BAALC: variants seen among roughly 807,000 people sequenced by gnomAD.
The protein encoded by BAALC is BAALC binder of MAP3K1 and KLF4.
Under a neutral mutation model 15.5 loss-of-function variants are expected in BAALC, and 9 were observed. The ratio of observed to expected loss-of-function variants is 0.58; its 90% CI spans 0.35 to 1.02. BAALC has a LOEUF of 1.02. Among genes scored for constraint, BAALC ranks in the 50% least tolerant of loss-of-function variants. BAALC has a pLI of 0.02. For missense variants in BAALC, 201 were observed against 192.4 expected, an observed-to-expected ratio of 1.04 and a Z score of -0.27; for synonymous variants, 80 against 74.6, an observed-to-expected ratio of 1.07 and a Z score of -0.37.
chr8:103,178,877 A>G (rs1051502006), intron 1 of BAALC, among the ~76,000 whole-genome samples: 1 of 145,612 alleles, frequency 6.9e-6, no homozygotes, highest in Admixed American at 6.7e-5. Context: ...AAAAAAAAAA[A>G]GTTAATTTAA....
chr8:103,216,100 C>A (rs914531606), intron 2 of BAALC, among the ~76,000 whole-genome samples: 23 of 152,132 alleles, frequency 1.5e-4, no homozygotes, highest in Non-Finnish European at 7.3e-5. Context: ...TTCTGAGTTG[C>A]AATAATTTTC....
chr8:103,202,738 C>G (rs1426072394), intron 1 of BAALC: 1 of 152,196 alleles, frequency 6.6e-6, no homozygotes, highest in Non-Finnish European at 1.5e-5. Flanking sequence ...GGATAGAGAG[C>G]TGAATTTCAT....
intron 1 of BAALC, among the ~76,000 whole-genome samples, chr8:103,208,885 C>T (rs918601265): frequency 6.6e-6 from 1 of 152,086 alleles, no homozygotes; most frequent in Admixed American, 6.5e-5. Context: ...GTCCTTCAAC[C>T]CCCAGGAGGA....
At chr8:103,155,284 C>T (rs1221574906) in intron 1 of BAALC, among the ~76,000 whole-genome samples, 3 of 152,088 alleles carry the variant, frequency 2.0e-5, no homozygotes, top group Non-Finnish European at 4.4e-5. Flanking sequence ...ATACCATCAT[C>T]ACACCTAAAA....
At chr8:103,178,676 G>A (rs547994518) in intron 1 of BAALC, among the ~76,000 whole-genome samples, 2 of 152,196 alleles carry the variant, frequency 1.3e-5, no homozygotes, top group South Asian at 2.1e-4. Flanking sequence ...GGCCAACATG[G>A]TGAAACCCTG....
At chr8:103,141,787 T>C (rs1810784373) in intron 1 of BAALC, among the ~76,000 whole-genome samples, 1 of 152,260 alleles carries the variant, frequency 6.6e-6, no homozygotes, top group Non-Finnish European at 1.5e-5. Context: ...ATAAATTAAA[T>C]ACTCTTGCCT....
chr8:103,176,887 G>C (rs944820569), intron 1 of BAALC, among the ~76,000 whole-genome samples: 3 of 152,122 alleles, frequency 2.0e-5, no homozygotes, highest in African/African-American at 7.2e-5. Flanking sequence ...AATGCTGCAG[G>C]GCCCTCGCAT....
At chr8:103,168,890 T>A (rs1811411547) in intron 1 of BAALC, among the ~76,000 whole-genome samples, 2 of 152,256 alleles carry the variant, frequency 1.3e-5, no homozygotes, top group South Asian at 2.1e-4. Context: ...TTTCAAAAAA[T>A]TTTTTATGCC....
At chr8:103,154,031 T>C (rs1811036094) in intron 1 of BAALC, among the ~76,000 whole-genome samples, 1 of 152,174 alleles carries the variant, frequency 6.6e-6, no homozygotes, top group Non-Finnish European at 1.5e-5. Context: ...CATTAAACGA[T>C]TACCTCCAAG....
chr8:103,148,078 G>A (rs1021319552), intron 1 of BAALC, among the ~76,000 whole-genome samples: 2 of 152,044 alleles, frequency 1.3e-5, no homozygotes, highest in African/African-American at 4.8e-5. Context: ...TCTCTACCCC[G>A]GTACCTCAGA....
At chr8:103,172,680 C>A (rs984603796) in intron 1 of BAALC, among the ~76,000 whole-genome samples, 1 of 152,148 alleles carries the variant, frequency 6.6e-6, no homozygotes, top group Non-Finnish European at 1.5e-5. Flanking sequence ...CAGACATGAG[C>A]CACCATGCCC....
intron 1 of BAALC, among the ~76,000 whole-genome samples, chr8:103,211,335 C>T (rs915419975): frequency 3.3e-5 from 5 of 152,194 alleles, no homozygotes; most frequent in African/African-American, 9.7e-5. Flanking sequence ...TTTCAGCTCA[C>T]GAAACTGCTC....
intron 1 of BAALC, among the ~76,000 whole-genome samples, chr8:103,146,644 C>T (rs758962595): frequency 4.1e-4 from 63 of 152,194 alleles, no homozygotes; most frequent in Middle Eastern, 6.8e-3. Context: ...TCTTGTAGAC[C>T]CCAGAGATGA....
intron 1 of BAALC, chr8:103,156,995 A>C (rs1811107329): frequency 6.6e-6 from 1 of 152,428 alleles, no homozygotes; most frequent in African/African-American, 2.4e-5. Context: ...TTTTGCACAT[A>C]AATTCAAAAT....
At chr8:103,170,370 A>G (rs1448434682) in intron 1 of BAALC, among the ~76,000 whole-genome samples, 1 of 152,130 alleles carries the variant, frequency 6.6e-6, no homozygotes, top group Admixed American at 6.6e-5. Flanking sequence ...CTCCCAGTAC[A>G]TGTGAGTGTG....
rs1406937129 is a variant in BAALC at position 103,228,003 on chromosome 8, TA to T, written c.344del (p.Lys115ArgfsTer12). On this transcript the variant is annotated frameshift_variant, in exon 3 of 3. Transcript: ENST00000309982. LOFTEE classifies it high-confidence loss of function. Reference protein sequence around the residue: ...LQTTEAKRDAKRMPAKEVTIN... With the variant: ...LQTTEAKRDAXRMPAKEVTIN... ...CAACTTAACAGGCTAAAAGAGATGC[TA>T]AGAGAATGCCTGCAAAAGAAGTCAC... 1 of 1,612,702 alleles carries T rather than the reference TA, an allele frequency of 6.2e-7. No individual in the cohort carries two copies. Among genetic ancestry groups the T allele is most frequent in the Admixed American group, 1.7e-5 (1 of 59,994 alleles).
At chr8:103,183,226 G>C in intron 1 of BAALC, 1 of 651,278 alleles carries the variant, frequency 1.5e-6, no homozygotes, top group Non-Finnish European at 2.8e-6. Flanking sequence ...TGGCTGTTGG[G>C]TGGACACCAG....
At chr8:103,178,750 A>G (rs7827695) in intron 1 of BAALC, among the ~76,000 whole-genome samples, 80,482 of 151,450 alleles carry the variant, frequency 0.53, 21,524 homozygotes, top group Non-Finnish European at 0.56. Flanking sequence ...CCAGCTACTC[A>G]GGAGGCTGAG....
At chr8:103,152,638 T>C (rs1031953936) in intron 1 of BAALC, among the ~76,000 whole-genome samples, 7 of 152,200 alleles carry the variant, frequency 4.6e-5, no homozygotes, top group African/African-American at 1.7e-4. Context: ...CGGTGGATGT[T>C]TGTTGAATGA....
Sources: allele counts gnomAD v4.1 joint callset (sites outside exome capture counted in the v4.1 genomes callset), GRCh38; gene constraint gnomAD v4.1.1; transcripts MANE v1.5; gene names NCBI Gene and HGNC (gene_info 2026-07-23, HGNC 2026-07-21).